The following CA10 variants were observed in gnomAD, a reference collection of about 807,000 sequenced individuals.
CA10 encodes carbonic anhydrase-related protein 10.
In CA10, 14 loss-of-function variants were observed where a neutral mutation model predicts 44.2. The observed-to-expected ratio is 0.32, with a 90% CI of 0.21 to 0.50. The LOEUF is 0.50. CA10 is among the 20% of genes least tolerant of loss of function. The pLI is 0.99. For synonymous variants in CA10, 159 were observed against 141.6 expected (o/e 1.12, Z -0.87); for missense variants, 350 against 409.7 (o/e 0.85, Z 1.26).
intron 1 of CA10, among the ~76,000 whole-genome samples, chr17:52,132,546 G>GAAGAC (rs2143353446): frequency 6.6e-6 from 1 of 152,328 alleles, no homozygotes; most frequent in East Asian, 1.9e-4. Context: ...TAATTAGAAT[G>GAAGAC]AAGACCAATA....
At chr17:51,789,649 A>T (rs1253050398) in intron 3 of CA10, among the ~76,000 whole-genome samples, 1 of 152,096 alleles carries the variant, frequency 6.6e-6, no homozygotes, top group Non-Finnish European at 1.5e-5. Context: ...CCACCTGACT[A>T]ACATATCCTC....
chr17:52,098,648 T>C (rs1250356298), intron 1 of CA10, among the ~76,000 whole-genome samples: 1 of 152,172 alleles, frequency 6.6e-6, no homozygotes, highest in African/African-American at 2.4e-5. Context: ...TGTTTTTGTA[T>C]ACACGTATCT....
At chr17:52,125,989 G>T (rs2143332055) in intron 1 of CA10, among the ~76,000 whole-genome samples, 1 of 152,234 alleles carries the variant, frequency 6.6e-6, no homozygotes, top group East Asian at 1.9e-4. Context: ...CTACCTAAGT[G>T]CTAGGTACTA....
At position 52,145,052 on chromosome 17, in the gene CA10, A is replaced by C. The variant is rs908167615; in HGVS notation, c.61+12674T>G. On this transcript the variant is annotated intron_variant, in intron 1 of 8. Coordinates refer to ENST00000451037, the MANE Select transcript of CA10 (RefSeq NM_020178.5). The stretch of plus-strand genomic sequence containing the variant: ...ATAATGTTTTCGATGAATGCTCTTC[A>C]ATACATCTGTAGCAGTCAATGACGA... Among the ~76,000 whole-genome samples, 3 of 152,216 alleles carry C rather than the reference A, an allele frequency of 2.0e-5. 1 individual carries two copies. The highest frequency in any genetic ancestry group is 4.4e-5 in the Non-Finnish European group (3 of 68,020).
At position 51,930,993 on chromosome 17, in the gene CA10, C is replaced by T; in HGVS notation, c.276G>A (p.Arg92=). ...TGGAAGCAATATGGTGGCTTACCTT[C>T]CTGCCCCCCGTGTTGATGCGAAGAG... ...LTPLRINTGG[R]KVSGTMYNTG... The change falls in exon 3 of 9, where the codon AGG becomes AGA. Residue 92 remains arginine, a synonymous_variant. Coordinates refer to ENST00000451037, the MANE Select transcript of CA10 (RefSeq NM_020178.5). 2 of 1,613,182 alleles carry T rather than the reference C, an allele frequency of 1.2e-6. No homozygotes were observed. The highest frequency in any genetic ancestry group is 1.3e-5 in the African/African-American group (1 of 74,940).
chr17:52,014,030 T>C (rs1318637720), intron 2 of CA10, among the ~76,000 whole-genome samples: 5 of 151,822 alleles, frequency 3.3e-5, no homozygotes, highest in East Asian at 3.9e-4. Context: ...AAAAATATGA[T>C]AGAAAGTGGT....
intron 3 of CA10, among the ~76,000 whole-genome samples, chr17:51,827,130 T>TA (rs922589898): frequency 3.3e-5 from 5 of 152,192 alleles, no homozygotes; most frequent in African/African-American, 9.7e-5. Context: ...TCACCGTTTT[T>TA]ACCAGTTTTG....
intron 2 of CA10, among the ~76,000 whole-genome samples, chr17:52,060,667 TGA>T (rs963231129): frequency 6.8e-6 from 1 of 147,282 alleles, no homozygotes; most frequent in African/African-American, 2.7e-5. Context: ...AGATTTGTGT[TGA>T]GTTTTCAGTG....
intron 3 of CA10, among the ~76,000 whole-genome samples, chr17:51,845,188 T>G (rs954331711): frequency 3.3e-5 from 5 of 152,208 alleles, no homozygotes; most frequent in African/African-American, 1.2e-4. Context: ...GGGAATACTT[T>G]TTTATTGTTT....
At chr17:51,736,644 C>T (rs189396746) in intron 4 of CA10, among the ~76,000 whole-genome samples, 15 of 152,296 alleles carry the variant, frequency 9.8e-5, no homozygotes, top group South Asian at 2.1e-4. Context: ...AGCAAGATGA[C>T]GAATTCACCC....
At chr17:51,872,176 C>CT (rs1237283621) in intron 3 of CA10, among the ~76,000 whole-genome samples, 1 of 152,194 alleles carries the variant, frequency 6.6e-6, no homozygotes, top group African/African-American at 2.4e-5. Context: ...CCTGTGCTCC[C>CT]ATAAGTCTCT....
chr17:51,779,242 C>T (rs1027710643), intron 3 of CA10, among the ~76,000 whole-genome samples: 2 of 152,062 alleles, frequency 1.3e-5, no homozygotes, highest in African/African-American at 4.8e-5. Context: ...TGTTTGTTAC[C>T]CCTGCTCTGC....
chr17:51,674,572 G>A (rs962809513), intron 4 of CA10, among the ~76,000 whole-genome samples: 2 of 152,150 alleles, frequency 1.3e-5, no homozygotes, highest in African/African-American at 4.8e-5. Context: ...CTCTGAAGAA[G>A]TATTAATATT....
At chr17:51,813,070 C>G (rs1318093012) in intron 3 of CA10, among the ~76,000 whole-genome samples, 2 of 152,112 alleles carry the variant, frequency 1.3e-5, no homozygotes, top group Non-Finnish European at 2.9e-5. Context: ...AGAAGAAGCA[C>G]AGAGTGAACA....
intron 1 of CA10, among the ~76,000 whole-genome samples, chr17:52,077,928 G>A (rs138831124): frequency 6.6e-6 from 1 of 152,204 alleles, no homozygotes; most frequent in African/African-American, 2.4e-5. Flanking sequence ...ATCCCCTTTT[G>A]TTCTTCCCAC....
chr17:51,759,137 T>C (rs1389224799), intron 3 of CA10, among the ~76,000 whole-genome samples: 1 of 152,152 alleles, frequency 6.6e-6, no homozygotes, highest in Non-Finnish European at 1.5e-5. Context: ...CCCCTCATTG[T>C]TGGTTGTCTG....
At chr17:51,631,720 G>A in intron 8 of CA10, 114 bp from the exon 9 acceptor site, 1 of 875,124 alleles carries the variant, frequency 1.1e-6, no homozygotes, top group Non-Finnish European at 1.9e-6. Context: ...GGACTGTTTT[G>A]TAAATGCCTG....
chr17:52,096,227 C>T (rs146639530), intron 1 of CA10, among the ~76,000 whole-genome samples: 140 of 152,262 alleles, frequency 9.2e-4, no homozygotes, highest in Non-Finnish European at 1.7e-3. Flanking sequence ...TATCTCATTG[C>T]TCTCCATCTG....
At chr17:52,029,473 A>G (rs373079048) in intron 2 of CA10, among the ~76,000 whole-genome samples, 55 of 152,254 alleles carry the variant, frequency 3.6e-4, no homozygotes, top group African/African-American at 1.2e-3. Context: ...GTGTATTAAT[A>G]GAGCGCAGGT....
Sources: allele counts gnomAD v4.1 joint callset (sites outside exome capture counted in the v4.1 genomes callset), GRCh38; gene constraint gnomAD v4.1.1; transcripts MANE v1.5; gene names NCBI Gene and HGNC (gene_info 2026-07-23, HGNC 2026-07-21).